The following CACFD1 variants were observed in gnomAD, a reference collection of about 807,000 sequenced individuals.
CACFD1 encodes the protein calcium channel flower domain containing 1.
A neutral mutation model predicts 21.3 loss-of-function variants in CACFD1; 26 were observed. The observed-to-expected ratio is 1.22, with a 90% confidence interval of 0.89 to 1.69. CACFD1 has a LOEUF of 1.69. Among genes scored for constraint, CACFD1 ranks in the 40% most tolerant of loss-of-function variants. The pLI, the probability that CACFD1 is intolerant of heterozygous loss-of-function variation, is 0.00. For missense variants in CACFD1, 265 were observed against 236.2 expected (o/e 1.12, Z -0.80); for synonymous variants, 121 against 106.6 (o/e 1.13, Z -0.83).
intron 1 of CACFD1, among the ~76,000 whole-genome samples, chr9:133,462,575 C>T (rs1843265680): frequency 6.6e-6 from 1 of 152,204 alleles, no homozygotes. Flanking sequence ...TTGCTGCCTC[C>T]AAGGCCCCCC....
intron 2 of CACFD1, among the ~76,000 whole-genome samples, chr9:133,463,965 G>T (rs1843326368): frequency 6.6e-6 from 1 of 152,218 alleles, no homozygotes; most frequent in African/African-American, 2.4e-5. Flanking sequence ...CTGAGGACTG[G>T]GTTGAATGGT....
intron 1 of CACFD1, among the ~76,000 whole-genome samples, chr9:133,463,226 C>T (rs893041294): frequency 2.6e-5 from 4 of 152,196 alleles, no homozygotes; most frequent in Non-Finnish European, 4.4e-5. Flanking sequence ...AGCCCTGAAA[C>T]GGGGAGAGGA....
chr9:133,461,477 A>G (rs1289529669), intron 1 of CACFD1, among the ~76,000 whole-genome samples: 1 of 152,202 alleles, frequency 6.6e-6, no homozygotes, highest in African/African-American at 2.4e-5. Flanking sequence ...CAGTCCTGTC[A>G]TGTCTGGTTA....
chr9:133,463,312 G>C, intron 1 of CACFD1, 171 bp from the exon 2 acceptor site: 2 of 827,666 alleles, frequency 2.4e-6, no homozygotes, highest in Non-Finnish European at 2.9e-6. Flanking sequence ...GCACCTCTCT[G>C]CGTCTCCTCA....
At position 133,468,034 on chromosome 9, in the gene CACFD1, T is replaced by G; in HGVS notation, c.428+6T>G. 1 of 1,610,694 alleles carries G rather than the reference T, an allele frequency of 6.2e-7. No homozygotes were observed. The highest frequency in any genetic ancestry group is 1.1e-5 in the South Asian group (1 of 91,026). On this transcript the variant is annotated splice_donor_region_variant and intron_variant, in intron 4 of 4. Transcript: ENST00000316948. ...CTCTCTGCTCTGGGCAAAAAGTGCG[T>G]CTGCCAGGCCCAGCCCCTGGGCAGG...
At chr9:133,460,311 C>A in intron 1 of CACFD1, 124 bp downstream of exon 1, 5 of 916,882 alleles carry the variant, frequency 5.5e-6, no homozygotes, top group Non-Finnish European at 7.4e-6. Context: ...GTCTGCCGGG[C>A]GCCTCCCGGG....
rs587682555 is a variant in CACFD1, at chr9:133,467,696, C to A, written c.321-225C>A. Among the ~76,000 whole-genome samples the A allele has an allele frequency of 2.9e-3, 445 of 152,318 alleles. 3 individuals carry two copies. Among genetic ancestry groups the A allele is most frequent in the African/African-American group, 0.01 (417 of 41,568 alleles). ...CTCTTTTTGGGATCACAGACCCCTT[C>A]AAAAATCTGATGAAAGCTTTGGATC... On this transcript the variant is annotated intron_variant, in intron 3 of 4. Coordinates refer to ENST00000316948, the MANE Select transcript of CACFD1 (RefSeq NM_017586.5).
At chr9:133,463,991 A>T (rs1351707474) in intron 2 of CACFD1, among the ~76,000 whole-genome samples, 1 of 152,106 alleles carries the variant, frequency 6.6e-6, no homozygotes, top group East Asian at 1.9e-4. Context: ...GGGAGAGGGC[A>T]CTCGAGCTCG....
Position 133,468,613 on chromosome 9 carries a change from A to T in CACFD1, c.479A>T (p.Asp160Val). 6.3e-7 allele frequency: 1 copy of T among 1,592,086 alleles called. No individual in the cohort carries two copies. The highest frequency in any genetic ancestry group is 1.3e-5 in the African/African-American group (1 of 74,926). Residue 160 changes from aspartate (D) to valine (V), a missense_variant, in exon 5 of 5, where the codon GAT (aspartate) becomes GTT (valine). Transcript: ENST00000316948. ...ATCCAGCAGCAGAGGCAGCAGGCGG[A>T]TGAGGAGAAGCTCGCGGAGACCCTG... ...ARIQQQRQQA[D>V]EEKLAETLEG...
Position 133,470,412 on chromosome 9 carries a change from A to G in CACFD1, c.*1759A>G, listed in dbSNP as rs917422278. 2.6e-5 allele frequency: 4 copies of G among 152,410 alleles called. No homozygotes were observed. The highest frequency in any genetic ancestry group is 5.9e-5 in the Non-Finnish European group (4 of 68,184). 9.4% of individuals were successfully genotyped at this position (152,410 alleles called of 1,614,324 possible). On this transcript the variant is annotated 3_prime_UTR_variant, in exon 5 of 5. Coordinates refer to ENST00000316948, the MANE Select transcript of CACFD1 (RefSeq NM_017586.5). Reference sequence around the variant, plus strand: ...AGAGGGGTCTCACTGACAGCCAGAGACAGCAGGAGAAGGGTTGGCTGTGGA... The same window carrying G: ...AGAGGGGTCTCACTGACAGCCAGAGGCAGCAGGAGAAGGGTTGGCTGTGGA...
At position 133,460,161 on chromosome 9, in the gene CACFD1, G is replaced by A. The variant is rs782632641; in HGVS notation, c.95G>A (p.Arg32His). ...GMTWWYRWLCRLSGVLGAVSC... is the reference protein window; with the variant it reads ...GMTWWYRWLCHLSGVLGAVSC... ...ACGTGGTGGTACCGCTGGCTGTGTC[G>A]CCTGTCTGGGGTGCTGGGGGCAGTC... The change falls in exon 1 of 5, where the codon CGC (arginine) becomes CAC (histidine). Residue 32 changes from arginine to histidine, a missense_variant. Transcript: ENST00000316948. 2.6e-6 allele frequency: 4 copies of A among 1,557,350 alleles called. No homozygotes were observed. The highest frequency in any genetic ancestry group is 2.4e-5 in the South Asian group (2 of 85,010).
Position 133,468,408 on chromosome 9 carries a change from C to G in CACFD1, c.429-155C>G, listed in dbSNP as rs1017015938. 8 of 1,535,888 alleles carry G rather than the reference C, an allele frequency of 5.2e-6. No homozygotes were observed. The Middle Eastern group carries it at 5.0e-4, about 96-fold the overall frequency. On this transcript the variant is annotated intron_variant, in intron 4 of 4. Coordinates refer to ENST00000316948, the MANE Select transcript of CACFD1 (RefSeq NM_017586.5). ...GAGCCTGGGCCATTCTCAGAGGGGA[C>G]AAGACAGGCCTTTGCCACCCCAGCA...
rs1224952786 is a variant in CACFD1 at position 133,460,469 on chromosome 9, GGC to G, written c.121+284_121+285del. On this transcript the variant is annotated intron_variant, in intron 1 of 4. Coordinates refer to ENST00000316948, the MANE Select transcript of CACFD1 (RefSeq NM_017586.5). ...GGGACCAGAAACCCCAGGGCGGGGG[GGC>G]GGCGGGGGCGGGGGTGGGGCACCGG... Among the ~76,000 whole-genome samples, 596 of 138,440 alleles carry G rather than the reference GGC, an allele frequency of 4.3e-3. 5 individuals are homozygous for G. The highest frequency in any genetic ancestry group is 0.014 in the African/African-American group (543 of 37,976). 90.8% of individuals were successfully genotyped at this position (138,440 alleles called of 152,430 possible).
Position 133,460,164 on chromosome 9 carries a change from T to G in CACFD1, c.98T>G (p.Leu33Arg), listed in dbSNP as rs930791690. The G allele has an allele frequency of 5.8e-6, 9 of 1,556,576 alleles. No homozygotes were observed. In the South Asian group the frequency reaches 1.1e-4, roughly 18 times the overall value. Residue 33 changes from leucine to arginine, a missense_variant, in exon 1 of 5, where the codon CTG (leucine) becomes CGG (arginine). Transcript: ENST00000316948. ...TGGTGGTACCGCTGGCTGTGTCGCCTGTCTGGGGTGCTGGGGGCAGTCTGT... is the reference window on the plus strand; with the variant it reads ...TGGTGGTACCGCTGGCTGTGTCGCCGGTCTGGGGTGCTGGGGGCAGTCTGT... ...MTWWYRWLCR[L>R]SGVLGAVSCA... is the part of the protein sequence containing the mutation.
chr9:133,468,804 C>T lies in CACFD1; in HGVS notation c.*151C>T, dbSNP rs1207805634. 1.5e-6 allele frequency: 2 copies of T among 1,360,510 alleles called. No homozygotes were observed. The highest frequency in any genetic ancestry group is 1.5e-5 in the South Asian group (1 of 65,794). 84.3% of individuals were successfully genotyped at this position (1,360,510 alleles called of 1,614,324 possible). A position where few individuals can be genotyped will look rare whatever the true frequency, so the allele number is the denominator to read the frequency against. ...TCCTCTGCTCCTTTCTCCAGACTGG[C>T]TTAAGCCAGGAGCCACTGGCTGCTG... On this transcript the variant is annotated 3_prime_UTR_variant, in exon 5 of 5. Transcript: ENST00000316948.
chr9:133,461,959 C>T, intron 1 of CACFD1: 1 of 985,360 alleles, frequency 1.0e-6, no homozygotes, highest in Non-Finnish European at 1.2e-6. Context: ...TACCCTGGGT[C>T]CTAAGAGCAT....
chr9:133,460,465 GGGGGGCGGC>G (rs973941952), intron 1 of CACFD1, among the ~76,000 whole-genome samples: 33 of 130,528 alleles, frequency 2.5e-4, no homozygotes, highest in Non-Finnish European at 4.9e-4. Flanking sequence ...CCCCAGGGCG[GGGGGGCGGC>G]GGGGGCGGGG....
rs782353222 is a variant in CACFD1 at position 133,467,962 on chromosome 9, C to T, written c.362C>T (p.Thr121Met). ...ATCGTCATCAGCCTGACCCTGACCA[C>T]GCTGCTGGGCAACGCCATCGCCTTT... ...VPIVISLTLT[T>M]LLGNAIAFAT... Residue 121 changes from threonine (T) to methionine (M), a missense_variant, in exon 4 of 5, where the codon ACG becomes ATG. Thr to Met is a moderately conservative substitution (Grantham distance 81). Transcript: ENST00000316948. The T allele has an allele frequency of 3.5e-5, 57 of 1,613,720 alleles. No individual in the cohort carries two copies. Among genetic ancestry groups the T allele is most frequent in the Non-Finnish European group, 4.4e-5 (52 of 1,180,030 alleles).
chr9:133,468,669 T>G lies in CACFD1; in HGVS notation c.*16T>G, dbSNP rs587717952. On this transcript the variant is annotated 3_prime_UTR_variant, in exon 5 of 5. Coordinates refer to ENST00000316948, the MANE Select transcript of CACFD1 (RefSeq NM_017586.5). ...GGAGCTGTGAAGGGCTGGGCGCCCC[T>G]CCCTCCCTGTCCCCTCTTCTGGCTC... The G allele has an allele frequency of 5.2e-6, 8 of 1,552,078 alleles. No homozygotes were observed. The highest frequency in any genetic ancestry group is 7.0e-6 in the Non-Finnish European group (8 of 1,150,370).
Sources: allele counts gnomAD v4.1 joint callset (sites outside exome capture counted in the v4.1 genomes callset), GRCh38; gene constraint gnomAD v4.1.1; transcripts MANE v1.5; gene names NCBI Gene and HGNC (gene_info 2026-07-23, HGNC 2026-07-21).